The following STK3 variants were observed in gnomAD, a reference collection of about 807,000 sequenced individuals.
STK3 encodes serine/threonine-protein kinase 3.
Under a neutral mutation model 58.0 loss-of-function variants are expected in STK3, and 41 were observed. The ratio of observed to expected loss-of-function variants is 0.71; its 90% CI spans 0.55 to 0.92. STK3 has a LOEUF of 0.92. Ranked by LOEUF, STK3 falls within the 40% of genes least tolerant of loss-of-function variation. The pLI is 0.00. For missense variants in STK3, 479 were observed against 602.7 expected, an observed-to-expected ratio of 0.79 and a Z score of 2.15; for synonymous variants, 170 against 191.0, an observed-to-expected ratio of 0.89 and a Z score of 0.91.
At chr8:98,482,936 A>G (rs1449278966) in intron 10 of STK3, among the ~76,000 whole-genome samples, 3 of 152,184 alleles carry the variant, frequency 2.0e-5, no homozygotes, top group Non-Finnish European at 4.4e-5. Context: ...AACAGTTTGA[A>G]TTTGATGGAA....
At chr8:98,354,506 G>C in the STK3 span, among the ~76,000 whole-genome samples, 7 of 152,208 alleles carry the variant, frequency 4.6e-5, no homozygotes, top group African/African-American at 1.7e-4. Flanking sequence ...CAGTGTCGGT[G>C]ATGATTTCAT....
chr8:98,594,254 C>T (rs998157170), intron 7 of STK3, among the ~76,000 whole-genome samples: 2 of 151,988 alleles, frequency 1.3e-5, no homozygotes, highest in African/African-American at 2.4e-5. Flanking sequence ...TTTCAGTGAG[C>T]GAGATCATGC....
intron 8 of STK3, among the ~76,000 whole-genome samples, chr8:98,577,151 G>A (rs1813476985): frequency 6.6e-6 from 1 of 152,138 alleles, no homozygotes; most frequent in Non-Finnish European, 1.5e-5. Flanking sequence ...CTTCTGTGGA[G>A]GTAACTGATT....
At chr8:98,567,188 A>G (rs1812552370) in intron 8 of STK3, among the ~76,000 whole-genome samples, 1 of 152,170 alleles carries the variant, frequency 6.6e-6, no homozygotes. Context: ...AGTGGTTAAG[A>G]AAAAGAAAAA....
At chr8:98,518,321 C>T (rs921397648) in intron 10 of STK3, among the ~76,000 whole-genome samples, 1 of 151,982 alleles carries the variant, frequency 6.6e-6, no homozygotes, top group East Asian at 1.9e-4. Flanking sequence ...TAGACTTTGC[C>T]TAGACACAAC....
At chr8:98,577,358 G>A (rs1251774661) in intron 8 of STK3, among the ~76,000 whole-genome samples, 1 of 152,152 alleles carries the variant, frequency 6.6e-6, no homozygotes, top group Non-Finnish European at 1.5e-5. Flanking sequence ...ATAGTGGCAT[G>A]AGTCTGCAGT....
chr8:98,400,175 C>A (rs1020391319), downstream of STK3, among the ~76,000 whole-genome samples: 1 of 152,174 alleles, frequency 6.6e-6, no homozygotes, highest in Non-Finnish European at 1.5e-5. Context: ...CAAGCCAGAG[C>A]CCCCAGAGGG....
chr8:98,377,542 CATA>C (rs2130996675), intron 2 of STK3, among the ~76,000 whole-genome samples: 1 of 151,594 alleles, frequency 6.6e-6, no homozygotes, highest in South Asian at 2.1e-4. Context: ...TATAAATTTT[CATA>C]ATAATTATAC....
At chr8:98,578,313 A>G (rs1219627815) in intron 8 of STK3, among the ~76,000 whole-genome samples, 2 of 152,222 alleles carry the variant, frequency 1.3e-5, no homozygotes, top group African/African-American at 2.4e-5. Context: ...CAAACCTGAA[A>G]AAAATACCTT....
chr8:98,482,566 T>C (rs1323972990), intron 10 of STK3, among the ~76,000 whole-genome samples: 1 of 152,166 alleles, frequency 6.6e-6, no homozygotes, highest in African/African-American at 2.4e-5. Flanking sequence ...TCTCGACGTT[T>C]GCTCAGCAGT....
the STK3 span, among the ~76,000 whole-genome samples, chr8:98,361,668 T>C: frequency 6.6e-6 from 1 of 152,190 alleles, no homozygotes; most frequent in Non-Finnish European, 1.5e-5. Flanking sequence ...CAGTCCCCTC[T>C]CTGTGTTAAC....
chr8:98,810,099 C>T (rs923310549), intron 1 of STK3, among the ~76,000 whole-genome samples: 2 of 152,108 alleles, frequency 1.3e-5, no homozygotes, highest in Non-Finnish European at 2.9e-5. Flanking sequence ...TTAGAAACAA[C>T]CAGATCTCGT....
chr8:98,706,731 C>A, intron 5 of STK3, 97 bp from the exon 6 acceptor site: 1 of 1,271,934 alleles, frequency 7.9e-7, no homozygotes, highest in Non-Finnish European at 1.0e-6. Flanking sequence ...ACCTCCAATG[C>A]CACAGATTAT....
chr8:98,500,221 A>G (rs1823464752), intron 10 of STK3, among the ~76,000 whole-genome samples: 1 of 152,252 alleles, frequency 6.6e-6, no homozygotes, highest in South Asian at 2.1e-4. Flanking sequence ...AAAAGATGCT[A>G]TATCACTGGC....
At chr8:98,652,506 T>C (rs1188294290) in intron 6 of STK3, among the ~76,000 whole-genome samples, 2 of 150,198 alleles carry the variant, frequency 1.3e-5, no homozygotes, top group South Asian at 2.1e-4. Flanking sequence ...GTAAATGGAC[T>C]AAATGCTCCA....
chr8:98,439,804 A>G (rs1246163072), intron 1 of STK3, among the ~76,000 whole-genome samples: 1 of 152,228 alleles, frequency 6.6e-6, no homozygotes, highest in Non-Finnish European at 1.5e-5. Context: ...TGGCCAGCTC[A>G]GCACAATGAA....
chr8:98,740,799 C>A (rs564504686), intron 4 of STK3, among the ~76,000 whole-genome samples: 97 of 152,170 alleles, frequency 6.4e-4, no homozygotes, highest in African/African-American at 2.3e-3. Flanking sequence ...TACAGACTGG[C>A]AAATTGGATA....
chr8:98,518,703 C>T (rs945611143), intron 10 of STK3, among the ~76,000 whole-genome samples: 4 of 152,234 alleles, frequency 2.6e-5, no homozygotes, highest in African/African-American at 7.2e-5. Flanking sequence ...CACAACTGTG[C>T]ACACGCCACA....
At chr8:98,591,364 G>A (rs1467400226) in intron 7 of STK3, among the ~76,000 whole-genome samples, 7 of 152,172 alleles carry the variant, frequency 4.6e-5, no homozygotes, top group Non-Finnish European at 1.0e-4. Flanking sequence ...TTCTGGGCAC[G>A]TTTTTGGTAG....
Sources: allele counts gnomAD v4.1 joint callset (sites outside exome capture counted in the v4.1 genomes callset), GRCh38; gene constraint gnomAD v4.1.1; transcripts MANE v1.5; gene names NCBI Gene and HGNC (gene_info 2026-07-23, HGNC 2026-07-21).